Variants in KAT2B observed in about 807,000 individuals in gnomAD.
KAT2B encodes histone acetyltransferase KAT2B.
KAT2B carries 36 observed loss-of-function variants against 105.9 expected under a neutral mutation model. That is an observed-to-expected ratio of 0.34 (90% CI 0.26 to 0.45). The LOEUF (loss-of-function observed/expected upper bound fraction) is 0.45, where lower values mean the gene tolerates loss of function less well. Among genes scored for constraint, KAT2B ranks in the 20% least tolerant of loss-of-function variants. The probability of loss-of-function intolerance (pLI) is 1.00; values close to 1 mark genes in which losing one functional copy is unlikely to be tolerated. For synonymous variants in KAT2B, 397 were observed against 377.9 expected (o/e 1.05, Z -0.59); for missense variants, 820 against 1,021.6 (o/e 0.80, Z 2.69).
At chr3:20,099,528 T>A (rs904691223) in intron 3 of KAT2B, among the ~76,000 whole-genome samples, 4 of 151,986 alleles carry the variant, frequency 2.6e-5, no homozygotes, top group Admixed American at 2.0e-4. Context: ...CCAGAAACAG[T>A]GGGGAGAAGA....
intron 11 of KAT2B, among the ~76,000 whole-genome samples, chr3:20,133,915 G>T (rs1381400470): frequency 2.0e-5 from 3 of 151,956 alleles, no homozygotes; most frequent in Non-Finnish European, 4.4e-5. Context: ...ATTTATTCTT[G>T]TTCTAGCCTT....
intron 2 of KAT2B, among the ~76,000 whole-genome samples, chr3:20,088,259 A>G (rs1698655550): frequency 6.6e-6 from 1 of 152,102 alleles, no homozygotes; most frequent in Non-Finnish European, 1.5e-5. Context: ...TTTTCTTTGG[A>G]TATATATCCA....
intron 1 of KAT2B, among the ~76,000 whole-genome samples, chr3:20,056,738 G>A (rs1698009929): frequency 1.3e-5 from 2 of 152,152 alleles, no homozygotes; most frequent in African/African-American, 4.8e-5. Context: ...TGATAATAGT[G>A]TCCTTGCCTT....
chr3:20,148,107 G>A, intron 15 of KAT2B, 108 bp downstream of exon 15: 2 of 1,364,432 alleles, frequency 1.5e-6, no homozygotes, highest in East Asian at 2.4e-5. Flanking sequence ...CACAACAGTT[G>A]GTGGGTTTTG....
chr3:20,104,152 A>C (rs1389329451), intron 5 of KAT2B, among the ~76,000 whole-genome samples: 1 of 152,182 alleles, frequency 6.6e-6, no homozygotes, highest in African/African-American at 2.4e-5. Flanking sequence ...GAATAGAAAA[A>C]CAGCAAAAGA....
At chr3:20,049,292 A>C (rs1015924059) in intron 1 of KAT2B, among the ~76,000 whole-genome samples, 1 of 152,194 alleles carries the variant, frequency 6.6e-6, no homozygotes, top group Non-Finnish European at 1.5e-5. Context: ...GGCATTCCAC[A>C]AATGTCTATT....
At position 20,154,251 on chromosome 3, in the gene KAT2B, TTAA is replaced by T. The variant is rs1699913370; in HGVS notation, c.*1729_*1731del. On this transcript the variant is annotated 3_prime_UTR_variant, in exon 18 of 18. Coordinates refer to ENST00000263754, the MANE Select transcript of KAT2B (RefSeq NM_003884.5). The stretch of plus-strand genomic sequence containing the variant: ...ATTTTTATGTTTTCTAATTTAAAAA[TTAA>T]TATTTTCTTATAGATATTGTGCAAT... The T allele has an allele frequency of 6.6e-6, 1 of 152,638 alleles. No individual in the cohort carries two copies. 9.5% of individuals were successfully genotyped at this position (152,638 alleles called of 1,614,324 possible). A position where few individuals can be genotyped will look rare whatever the true frequency, so the allele number is the denominator to read the frequency against.
intron 2 of KAT2B, among the ~76,000 whole-genome samples, chr3:20,082,980 T>C (rs1404217510): frequency 6.6e-6 from 1 of 152,196 alleles, no homozygotes; most frequent in Non-Finnish European, 1.5e-5. Context: ...TTCCGTTGAA[T>C]GCAGATCAAA....
At position 20,040,792 on chromosome 3, in the gene KAT2B, C is replaced by A; in HGVS notation, c.303+12C>A. 1 of 1,582,806 alleles carries A rather than the reference C, an allele frequency of 6.3e-7. No individual in the cohort carries two copies. ...ACTCCGCCTGCAAGGTACGCGCTCG[C>A]CGCTCTCGGACCGCGGATGGGTGCT... On this transcript the variant is annotated intron_variant, in intron 1 of 17. Transcript: ENST00000263754.
At chr3:20,073,130 A>G (rs773037735) in intron 2 of KAT2B, among the ~76,000 whole-genome samples, 6 of 152,168 alleles carry the variant, frequency 3.9e-5, no homozygotes, top group East Asian at 1.9e-4. Context: ...TAAAAAAATC[A>G]TGTGTTGTTT....
intron 11 of KAT2B, among the ~76,000 whole-genome samples, chr3:20,134,115 A>T (rs1283637992): frequency 6.6e-6 from 1 of 152,170 alleles, no homozygotes; most frequent in Admixed American, 6.5e-5. Flanking sequence ...GAAGTATTCT[A>T]CTTAATAATC....
intron 11 of KAT2B, among the ~76,000 whole-genome samples, chr3:20,129,958 A>G (rs1261890266): frequency 6.6e-6 from 1 of 151,504 alleles, no homozygotes; most frequent in African/African-American, 2.4e-5. Flanking sequence ...TGGTCACAGT[A>G]CCCATTTTTT....
chr3:20,142,298 C>T (rs1168336362), intron 13 of KAT2B, among the ~76,000 whole-genome samples: 2 of 152,128 alleles, frequency 1.3e-5, no homozygotes, highest in Non-Finnish European at 2.9e-5. Flanking sequence ...TCACACATTC[C>T]GTTGAATGGG....
At chr3:20,047,972 A>G (rs1697845473) in intron 1 of KAT2B, among the ~76,000 whole-genome samples, 1 of 152,210 alleles carries the variant, frequency 6.6e-6, no homozygotes, top group Non-Finnish European at 1.5e-5. Context: ...GTTTGCAAAC[A>G]GAAACTAAAT....
intron 17 of KAT2B, 148 bp downstream of exon 17, chr3:20,148,635 A>G: frequency 1.7e-6 from 1 of 602,090 alleles, no homozygotes; most frequent in East Asian, 3.0e-5. Flanking sequence ...GTGGCGGGTC[A>G]GTGATGGCAG....
At chr3:20,059,246 C>G (rs1698054471) in intron 1 of KAT2B, among the ~76,000 whole-genome samples, 1 of 151,676 alleles carries the variant, frequency 6.6e-6, no homozygotes, top group South Asian at 2.1e-4. Flanking sequence ...AACCCCGTCT[C>G]TACTAAAAAT....
chr3:20,067,106 ATTTG>A (rs1006173120), intron 1 of KAT2B, among the ~76,000 whole-genome samples: 1 of 152,150 alleles, frequency 6.6e-6, no homozygotes, highest in Non-Finnish European at 1.5e-5. Flanking sequence ...GGGAATTTTA[ATTTG>A]TTTGGGAAGT....
chr3:20,054,053 C>T (rs779188811), intron 1 of KAT2B, among the ~76,000 whole-genome samples: 6 of 152,212 alleles, frequency 3.9e-5, no homozygotes, highest in African/African-American at 7.2e-5. Flanking sequence ...CCTCCTCGGC[C>T]TCCCAAAGTG....
intron 6 of KAT2B, among the ~76,000 whole-genome samples, chr3:20,113,076 C>A (rs944609081): frequency 1.3e-5 from 2 of 152,160 alleles, no homozygotes; most frequent in East Asian, 1.9e-4. Context: ...GTACATGAGA[C>A]TAAGTCATGA....
Sources: allele counts gnomAD v4.1 joint callset (sites outside exome capture counted in the v4.1 genomes callset), GRCh38; gene constraint gnomAD v4.1.1; transcripts MANE v1.5; gene names NCBI Gene and HGNC (gene_info 2026-07-23, HGNC 2026-07-21).